The following TMEM25 variants were observed in gnomAD, a reference collection of about 807,000 sequenced individuals.
The protein encoded by TMEM25 is transmembrane protein 25, also known as 0610039J01Rik.
Under a neutral mutation model 37.0 loss-of-function variants are expected in TMEM25, and 36 were observed. The observed-to-expected ratio is 0.97, with a 90% confidence interval of 0.75 to 1.28. The LOEUF (loss-of-function observed/expected upper bound fraction) is 1.28, where lower values mean the gene tolerates loss of function less well. Among genes scored for constraint, TMEM25 ranks in the 50% most tolerant of loss-of-function variants. The pLI is 0.00. For synonymous variants in TMEM25, 197 were observed against 203.7 expected (o/e 0.97, Z 0.28); for missense variants, 444 against 477.9 (o/e 0.93, Z 0.66).
At chr11:118,546,018 G>C in intron 8 of TMEM25, 1 of 713,874 alleles carries the variant, frequency 1.4e-6, no homozygotes, top group Non-Finnish European at 2.6e-6. Flanking sequence ...CTGTACTTCA[G>C]AATGTGACTA....
chr11:118,546,030 A>C (rs1951676051), intron 8 of TMEM25: 2 of 711,630 alleles, frequency 2.8e-6, no homozygotes, highest in South Asian at 3.0e-5. Context: ...ATGTGACTAT[A>C]TTTGGAGATA....
At position 118,532,133 on chromosome 11, in the gene TMEM25, C is replaced by T. The variant is rs1951308810; in HGVS notation, c.71-17C>T. ...CCGTGCCTGAGCCCTTCCCAGAGGC[C>T]TCCTGCTGTGTTCCAGGTTGGGGGG... On this transcript the variant is annotated splice_polypyrimidine_tract_variant and intron_variant, in intron 2 of 8. Transcript: ENST00000313236. 10 of 1,538,140 alleles carry T rather than the reference C, an allele frequency of 6.5e-6. No individual in the cohort carries two copies. The East Asian group carries it at 2.3e-4, about 35-fold the overall frequency.
Position 118,533,872 on chromosome 11 carries a change from C to T in TMEM25, c.821C>T (p.Pro274Leu). Reference sequence around the variant, plus strand: ...TTCTCCACAGGCCCCTCCCGGCACCCATCTCTGATATCAAGGTAACTCTTC... The same window carrying T: ...TTCTCCACAGGCCCCTCCCGGCACCTATCTCTGATATCAAGGTAACTCTTC... ...EKKTKGPSRHPSLISSDSNNL... is the reference protein window; with the variant it reads ...EKKTKGPSRHLSLISSDSNNL... Residue 274 changes from proline (P) to leucine (L), a missense_variant, in exon 6 of 9, where the codon CCA becomes CTA. Coordinates refer to ENST00000313236, the MANE Select transcript of TMEM25 (RefSeq NM_032780.4). The T allele has an allele frequency of 6.2e-7, 1 of 1,614,136 alleles. No homozygotes were observed. The highest frequency in any genetic ancestry group is 8.5e-7 in the Non-Finnish European group (1 of 1,180,024).
downstream of TMEM25, among the ~76,000 whole-genome samples, chr11:118,536,737 G>A (rs2135423245): frequency 6.6e-6 from 1 of 152,324 alleles, no homozygotes; most frequent in Admixed American, 6.5e-5. Flanking sequence ...TCAGGACTGG[G>A]CTAAAGTATG....
At chr11:118,545,303 A>G (rs1951651074) in intron 8 of TMEM25, 8 of 870,538 alleles carry the variant, frequency 9.2e-6, no homozygotes, top group Non-Finnish European at 1.5e-5. Context: ...GTAACTGGGC[A>G]GAGACATCCT....
chr11:118,533,044 G>A lies in TMEM25; in HGVS notation c.510G>A (p.Gly170=). The A allele has an allele frequency of 1.2e-6, 2 of 1,614,194 alleles. No individual in the cohort carries two copies. Among genetic ancestry groups the A allele is most frequent in the Non-Finnish European group, 1.7e-6 (2 of 1,180,040 alleles). Residue 170 remains glycine (G), a synonymous_variant, in exon 4 of 9, where the codon GGG becomes GGA. Transcript: ENST00000313236. ...PANVTWIDQD[G]PVTVNTSDFL... ...ATGTCACCTGGATCGACCAGGATGG[G>A]CCAGTGACTGTCAACACCTCTGACT...
downstream of TMEM25, among the ~76,000 whole-genome samples, chr11:118,538,321 A>C (rs1951537030): frequency 6.9e-6 from 1 of 145,352 alleles, no homozygotes; most frequent in Non-Finnish European, 1.5e-5. Flanking sequence ...ACAGGCGTGC[A>C]CCACGCCTGG....
At chr11:118,537,592 T>C (rs1352742693), downstream of TMEM25, among the ~76,000 whole-genome samples, 1 of 151,934 alleles carries the variant, frequency 6.6e-6, no homozygotes, top group African/African-American at 2.4e-5. Context: ...CACCCATTCA[T>C]CAGTTGATGG....
In TMEM25 at chr11:118,534,457, T is replaced by C; in HGVS notation, c.1028-50T>C. 1 of 1,612,152 alleles carries C rather than the reference T, an allele frequency of 6.2e-7. No homozygotes were observed. The highest frequency in any genetic ancestry group is 8.5e-7 in the Non-Finnish European group (1 of 1,178,966). On this transcript the variant is annotated intron_variant, in intron 8 of 8. Coordinates refer to ENST00000313236, the MANE Select transcript of TMEM25 (RefSeq NM_032780.4). This position sits in a 1 kb window ranked among gnomAD's most constrained non-coding sequence, Gnocchi z 4.6. ...AGGAGGCAGAGAGAGCTCTCCAAAT[T>C]CCAAGGAACAAGCGTTACTGAGTCC... is the stretch of plus-strand genomic sequence containing the variant.
chr11:118,538,460 C>A (rs559973691), downstream of TMEM25, among the ~76,000 whole-genome samples: 61 of 152,260 alleles, frequency 4.0e-4, no homozygotes, highest in African/African-American at 1.4e-3. Context: ...AGCCACTGCG[C>A]CAGGCTTTGT....
At chr11:118,541,475 A>AAAAAAAAAAAAAAAAAG (rs534709160) in intron 8 of TMEM25, among the ~76,000 whole-genome samples, 2 of 137,344 alleles carry the variant, frequency 1.5e-5, no homozygotes, top group African/African-American at 5.6e-5. Context: ...AAAAAAAAAA[A>AAAAAAAAAAAAAAAAAG]AAAAGAAAAA....
rs1354819133 is a variant in TMEM25, at chr11:118,535,485, G to C, written c.*905G>C. 1.3e-6 allele frequency: 2 copies of C among 1,524,406 alleles called. No homozygotes were observed. Among genetic ancestry groups the C allele is most frequent in the East Asian group, 2.5e-5 (1 of 40,484 alleles). 94.4% of individuals were successfully genotyped at this position (1,524,406 alleles called of 1,614,324 possible). A position where few individuals can be genotyped will look rare whatever the true frequency, so the allele number is the denominator to read the frequency against. Reference sequence around the variant, plus strand: ...TTCACTGTGAGTGTCCTGAGCTCTCGGGGTTGATGGTTTTTCTCTCAGCAT... The same window carrying C: ...TTCACTGTGAGTGTCCTGAGCTCTCCGGGTTGATGGTTTTTCTCTCAGCAT... On this transcript the variant is annotated 3_prime_UTR_variant, in exon 9 of 9. Transcript: ENST00000313236.
intron 3 of TMEM25, 169 bp from the exon 4 acceptor site, chr11:118,532,748 C>T: frequency 3.0e-6 from 3 of 989,604 alleles, no homozygotes; most frequent in Non-Finnish European, 4.4e-6. Flanking sequence ...AGTATTTACA[C>T]TCATAATCAC....
rs1951490311 is a variant in TMEM25 at position 118,535,563 on chromosome 11, G to C, written c.*983G>C. The C allele has an allele frequency of 6.5e-7, 1 of 1,535,774 alleles. No homozygotes were observed. The highest frequency in any genetic ancestry group is 1.4e-5 in the African/African-American group (1 of 73,030). ...TGACCAACCCATGGTTGCCTCATCA[G>C]CAGGAAGGTGCCCTTCCTGGAGGAT... On this transcript the variant is annotated 3_prime_UTR_variant, in exon 9 of 9. Transcript: ENST00000313236.
At chr11:118,546,009 T>C in intron 8 of TMEM25, 1 of 718,338 alleles carries the variant, frequency 1.4e-6, no homozygotes. Context: ...CCTAACTCCC[T>C]GTACTTCAGA....
At chr11:118,537,052 T>A (rs371367056), downstream of TMEM25, among the ~76,000 whole-genome samples, 1 of 151,880 alleles carries the variant, frequency 6.6e-6, no homozygotes, top group Non-Finnish European at 1.5e-5. Flanking sequence ...TTAAAAAAAT[T>A]TGGAGGGGGC....
Position 118,532,233 on chromosome 11 carries a change from T to C in TMEM25, c.154T>C (p.Cys52Arg). 6.2e-7 allele frequency: 1 copy of C among 1,613,256 alleles called. No homozygotes were observed. The change falls in exon 3 of 9, where the codon TGC becomes CGC. Residue 52 changes from cysteine (C) to arginine (R), a missense_variant. Transcript: ENST00000313236. The part of the protein sequence containing the change: ...LRENERHAFT[C>R]RVAGGPGTPR... ...GGAGAATGAACGCCACGCCTTCACC[T>C]GCCGGGTGGCAGGGGGGCCTGGCAC...
chr11:118,539,164 ATTTTTTTTT>A, downstream of TMEM25, among the ~76,000 whole-genome samples: 1 of 100,578 alleles, frequency 9.9e-6, no homozygotes, highest in South Asian at 3.5e-4. Context: ...TTGGTCATAA[ATTTTTTTTT>A]TTTTTTTTTT....
chr11:118,542,233 G>T (rs1371127966), intron 8 of TMEM25, among the ~76,000 whole-genome samples: 1 of 152,180 alleles, frequency 6.6e-6, no homozygotes, highest in Non-Finnish European at 1.5e-5. Flanking sequence ...CACATGGCAA[G>T]GGGGCTGGAC....
Sources: allele counts gnomAD v4.1 joint callset (sites outside exome capture counted in the v4.1 genomes callset), GRCh38; gene constraint gnomAD v4.1.1; non-coding constraint Gnocchi (gnomAD v3.1); transcripts MANE v1.5; gene names NCBI Gene and HGNC (gene_info 2026-07-23, HGNC 2026-07-21).